Variants in DLG2 observed in about 807,000 individuals in gnomAD.
DLG2 encodes the protein discs large MAGUK scaffold protein 2, also known as disks large homolog 2.
DLG2 carries 45 observed loss-of-function variants against 132.5 expected under a neutral mutation model. The observed-to-expected ratio is 0.34, with a 90% CI of 0.27 to 0.44. The LOEUF (loss-of-function observed/expected upper bound fraction) is 0.44. DLG2 is among the 20% of genes least tolerant of loss of function. The pLI, the probability that DLG2 is intolerant of heterozygous loss-of-function variation, is 1.00. For synonymous variants in DLG2, 424 were observed against 419.6 expected (o/e 1.01, Z -0.13); for missense variants, 1,045 against 1,196.9 (o/e 0.87, Z 1.87).
intron 7 of DLG2, among the ~76,000 whole-genome samples, chr11:84,483,430 C>CAAAAA (rs56086759): frequency 0.19 from 16,999 of 89,222 alleles, 1,305 homozygotes; most frequent in South Asian, 0.34. Context: ...GACTCCGCCT[C>CAAAAA]AAAAAAAAAA....
chr11:84,750,665 A>G (rs944397564), intron 6 of DLG2, among the ~76,000 whole-genome samples: 3 of 152,174 alleles, frequency 2.0e-5, no homozygotes, highest in Non-Finnish European at 4.4e-5. Flanking sequence ...CATAGTCATC[A>G]TTTCCCAGTT....
chr11:85,054,502 C>A (rs1593309584), intron 6 of DLG2, among the ~76,000 whole-genome samples: 1 of 152,204 alleles, frequency 6.6e-6, no homozygotes, highest in South Asian at 2.1e-4. Flanking sequence ...CCATTTAACC[C>A]AGCAGTCCCA....
chr11:84,561,111 T>C (rs1039397796), intron 6 of DLG2, among the ~76,000 whole-genome samples: 2 of 152,146 alleles, frequency 1.3e-5, no homozygotes, highest in Non-Finnish European at 2.9e-5. Context: ...ATTTGGAGTA[T>C]GTGCAGTGAG....
chr11:84,253,164 A>T (rs1202605028), intron 7 of DLG2, among the ~76,000 whole-genome samples: 1 of 152,064 alleles, frequency 6.6e-6, no homozygotes, highest in African/African-American at 2.4e-5. Flanking sequence ...TTTTTACTGG[A>T]TCTCATTAAA....
At chr11:84,304,574 C>T (rs557194378) in intron 7 of DLG2, among the ~76,000 whole-genome samples, 2 of 152,290 alleles carry the variant, frequency 1.3e-5, no homozygotes, top group East Asian at 3.9e-4. Context: ...TCTAGCCTTA[C>T]AGTTTCTATC....
chr11:83,591,813 T>C (rs1245179474), intron 19 of DLG2, among the ~76,000 whole-genome samples: 1 of 151,964 alleles, frequency 6.6e-6, no homozygotes, highest in East Asian at 1.9e-4. Flanking sequence ...ACAAAATCAA[T>C]GTACAAAAAT....
At chr11:84,760,563 T>C (rs868121013) in intron 6 of DLG2, among the ~76,000 whole-genome samples, 1 of 152,250 alleles carries the variant, frequency 6.6e-6, no homozygotes, top group Non-Finnish European at 1.5e-5. Context: ...TTCTGCAGCG[T>C]TCTCCATAGT....
chr11:84,502,540 G>T lies in DLG2; in HGVS notation c.519+32030C>A, dbSNP rs189271429. ...CTTCCCAAGTAGCTGGGACTACAGG[G>T]TCCCGCCACCATACCTGGCTAATTT... On this transcript the variant is annotated intron_variant, in intron 7 of 27. Transcript: ENST00000376104. Among the ~76,000 whole-genome samples, 732 of 150,438 alleles carry T rather than the reference G, an allele frequency of 4.9e-3. 6 individuals are homozygous for T. Among genetic ancestry groups the T allele is most frequent in the African/African-American group, 0.017 (707 of 40,828 alleles).
At chr11:85,064,922 C>T (rs1468919001) in intron 6 of DLG2, among the ~76,000 whole-genome samples, 1 of 151,540 alleles carries the variant, frequency 6.6e-6, no homozygotes, top group African/African-American at 2.4e-5. Flanking sequence ...CCTTCCCCAC[C>T]CCACGTTTGA....
intron 6 of DLG2, among the ~76,000 whole-genome samples, chr11:84,725,060 T>C (rs1215156086): frequency 6.6e-6 from 1 of 152,196 alleles, no homozygotes; most frequent in Non-Finnish European, 1.5e-5. Flanking sequence ...ATGATAATTC[T>C]TTCAGGGGGA....
At chr11:84,995,890 T>C (rs1266089914) in intron 6 of DLG2, among the ~76,000 whole-genome samples, 4 of 152,142 alleles carry the variant, frequency 2.6e-5, no homozygotes, top group African/African-American at 9.7e-5. Context: ...CAGAGATACC[T>C]GCTTCATTCA....
At chr11:84,497,405 C>G (rs775860188) in intron 7 of DLG2, among the ~76,000 whole-genome samples, 1 of 152,066 alleles carries the variant, frequency 6.6e-6, no homozygotes, top group African/African-American at 2.4e-5. Flanking sequence ...ACCCTATAGT[C>G]CCAGAGTTGG....
chr11:84,969,212 G>C (rs1358545613), intron 6 of DLG2, among the ~76,000 whole-genome samples: 1 of 152,114 alleles, frequency 6.6e-6, no homozygotes, highest in African/African-American at 2.4e-5. Flanking sequence ...GCACCGTCAA[G>C]AAACAACTGG....
At chr11:85,253,189 A>G (rs1311947755) in intron 4 of DLG2, among the ~76,000 whole-genome samples, 1 of 152,206 alleles carries the variant, frequency 6.6e-6, no homozygotes. Flanking sequence ...AAGTGATACC[A>G]TCTGCATAGA....
intron 7 of DLG2, among the ~76,000 whole-genome samples, chr11:84,278,816 T>C (rs1299640145): frequency 6.6e-6 from 1 of 151,986 alleles, no homozygotes; most frequent in East Asian, 1.9e-4. Context: ...TATTTATTTA[T>C]TTATTTATTT....
At chr11:83,999,957 TA>T (rs58517221) in intron 11 of DLG2, among the ~76,000 whole-genome samples, 146,162 of 148,940 alleles carry the variant, frequency 0.98, 71,720 homozygotes, top group East Asian at 1. Context: ...CTGGAAACAT[TA>T]AAAAAAAAAA....
intron 3 of DLG2, among the ~76,000 whole-genome samples, chr11:85,317,091 A>C (rs1182532842): frequency 1.3e-5 from 2 of 151,926 alleles, no homozygotes; most frequent in Non-Finnish European, 2.9e-5. Context: ...GGAAAAGTAA[A>C]TACAGAAGCA....
chr11:83,918,618 G>A (rs575467172), intron 15 of DLG2, among the ~76,000 whole-genome samples: 1 of 152,184 alleles, frequency 6.6e-6, no homozygotes, highest in Admixed American at 6.5e-5. Flanking sequence ...AATCCCAGAG[G>A]AAAAGGCTCC....
rs574274417 is a variant in DLG2 at position 83,581,528 on chromosome 11, G to A, written c.1941-39670C>T. Among the ~76,000 whole-genome samples the A allele has an allele frequency of 3.3e-4, 50 of 152,240 alleles. 1 individual carries two copies. In the South Asian group the frequency reaches 0.01, roughly 32 times the overall value. On this transcript the variant is annotated intron_variant, in intron 19 of 27. Coordinates refer to ENST00000376104, the MANE Select transcript of DLG2 (RefSeq NM_001142699.3). Reference sequence around the variant, plus strand: ...ATTCTTGCAAGAAGACATAAGAGCTGTCATACACTTGAATTATGGTGTTCA... The same window carrying A: ...ATTCTTGCAAGAAGACATAAGAGCTATCATACACTTGAATTATGGTGTTCA...
Sources: allele counts gnomAD v4.1 joint callset (sites outside exome capture counted in the v4.1 genomes callset), GRCh38; gene constraint gnomAD v4.1.1; transcripts MANE v1.5; gene names NCBI Gene and HGNC (gene_info 2026-07-23, HGNC 2026-07-21).